Variants in TULP3 observed in about 807,000 individuals in gnomAD.
TULP3 encodes tubby-related protein 3.
A neutral mutation model predicts 50.7 loss-of-function variants in TULP3; 38 were observed. That is an observed-to-expected ratio of 0.75 (90% CI 0.58 to 0.98). The LOEUF (loss-of-function observed/expected upper bound fraction) is 0.98. Among genes scored for constraint, TULP3 ranks in the 50% least tolerant of loss-of-function variants. The pLI is 0.00. For synonymous variants in TULP3, 183 were observed against 196.6 expected (o/e 0.93, Z 0.58); for missense variants, 550 against 568.0 (o/e 0.97, Z 0.32).
intron 1 of TULP3, 94 bp downstream of exon 1, chr12:2,891,082 G>GCGGGACT: frequency 7.3e-7 from 1 of 1,375,222 alleles, no homozygotes; most frequent in Non-Finnish European, 9.6e-7. Flanking sequence ...CGGGGAGAGG[G>GCGGGACT]CGGGACTCGG....
chr12:2,939,323 T>G lies in TULP3; in HGVS notation c.1208T>G (p.Val403Gly), dbSNP rs772180667. 1 of 1,614,206 alleles carries G rather than the reference T, an allele frequency of 6.2e-7. No homozygotes were observed. The highest frequency in any genetic ancestry group is 1.7e-5 in the Admixed American group (1 of 60,018). The change falls in exon 11 of 11, where the codon GTC (valine) becomes GGC (glycine). Residue 403 changes from valine to glycine, a missense_variant. Physicochemically the swap from Val to Gly is moderately radical, Grantham distance 109. Transcript: ENST00000448120. This position sits in a 1 kb window ranked among gnomAD's most constrained non-coding sequence, Gnocchi z 4.0. Reference sequence around the variant, plus strand: ...TTTCTGTTTCTAGCTGATTATATAGTCATGCAGTTTGGACGTGTGGCAGAT... The same window carrying G: ...TTTCTGTTTCTAGCTGATTATATAGGCATGCAGTTTGGACGTGTGGCAGAT... ...IVHKNDPDYI[V>G]MQFGRVADDV... is the part of the protein sequence containing the mutation.
chr12:2,930,689 C>A (rs2098197473), intron 5 of TULP3, among the ~76,000 whole-genome samples: 1 of 152,142 alleles, frequency 6.6e-6, no homozygotes. Flanking sequence ...TCCCAAAGTG[C>A]TGGGATTACA....
intron 1 of TULP3, among the ~76,000 whole-genome samples, chr12:2,903,227 T>C (rs2098180224): frequency 6.6e-6 from 1 of 152,194 alleles, no homozygotes; most frequent in Non-Finnish European, 1.5e-5. Flanking sequence ...ATGTATATTT[T>C]CTTTTTTTCT....
At chr12:2,899,989 C>T (rs922487197) in intron 1 of TULP3, among the ~76,000 whole-genome samples, 4 of 151,430 alleles carry the variant, frequency 2.6e-5, no homozygotes, top group African/African-American at 7.3e-5. Context: ...TTGAGGCAGG[C>T]GCGTCACCTG....
rs767223834 is a variant in TULP3, at chr12:2,890,928, G to T, written c.-20G>T. 1.3e-6 allele frequency: 2 copies of T among 1,592,924 alleles called. No homozygotes were observed. Among genetic ancestry groups the T allele is most frequent in the Non-Finnish European group, 1.7e-6 (2 of 1,170,104 alleles). ...GCGGGGAAGAGTGTGTACGTGGTGG[G>T]GGCTTCCTCGGTGGCGGGCATGGAG... On this transcript the variant is annotated 5_prime_UTR_variant, in exon 1 of 11. Coordinates refer to ENST00000448120, the MANE Select transcript of TULP3 (RefSeq NM_003324.5).
At chr12:2,900,825 T>G (rs902113637) in intron 1 of TULP3, among the ~76,000 whole-genome samples, 1 of 151,524 alleles carries the variant, frequency 6.6e-6, no homozygotes, top group African/African-American at 2.4e-5. Context: ...TCCTCCCACC[T>G]CAGCCTCCCA....
intron 1 of TULP3, among the ~76,000 whole-genome samples, chr12:2,901,700 T>A (rs945751394): frequency 6.6e-6 from 1 of 152,066 alleles, no homozygotes; most frequent in Non-Finnish European, 1.5e-5. Context: ...TTAGTTAGGT[T>A]GTTTGTCTTA....
Position 2,931,058 on chromosome 12 carries a change from G to C in TULP3, c.514G>C (p.Ala172Pro). 1 of 1,614,088 alleles carries C rather than the reference G, an allele frequency of 6.2e-7. No individual in the cohort carries two copies. The highest frequency in any genetic ancestry group is 8.5e-7 in the Non-Finnish European group (1 of 1,180,028). Residue 172 changes from alanine (A) to proline (P), a missense_variant, in exon 6 of 11, where the codon GCT (alanine) becomes CCT (proline). Physicochemically the swap from Ala to Pro is conservative, Grantham distance 27. Coordinates refer to ENST00000448120, the MANE Select transcript of TULP3 (RefSeq NM_003324.5). ...TCAGGATACAGGCACTTCCGGTTCT[G>C]CTACTGCCGCCCAACCAGCTGATAA... ...NSTDTGTSGS[A>P]TAAQPADNLL...
chr12:2,919,893 G>A (rs1054893108), intron 2 of TULP3, among the ~76,000 whole-genome samples: 4 of 151,284 alleles, frequency 2.6e-5, no homozygotes, highest in African/African-American at 9.7e-5. Context: ...TCTCACCCTT[G>A]ATCCAAATTT....
At chr12:2,896,435 C>T (rs1412877261) in intron 1 of TULP3, among the ~76,000 whole-genome samples, 2 of 152,186 alleles carry the variant, frequency 1.3e-5, no homozygotes, top group African/African-American at 4.8e-5. Context: ...AAATTCCTGT[C>T]TCTGCTGACC....
At position 2,940,787 on chromosome 12, in the gene TULP3, G is replaced by A. The variant is rs2098204364; in HGVS notation, c.*1343G>A. 2.1e-6 allele frequency: 3 copies of A among 1,414,302 alleles called. No homozygotes were observed. Among genetic ancestry groups the A allele is most frequent in the African/African-American group, 2.9e-5 (2 of 70,154 alleles). The allele number at this position is 1,414,302 out of a possible 1,614,324, so 87.6% of individuals were successfully genotyped here. A position where few individuals can be genotyped will look rare whatever the true frequency, so the allele number is the denominator to read the frequency against. The stretch of plus-strand genomic sequence containing the variant: ...TGTCCCCCACCGACAAGTCCCACCT[G>A]CTGGGTGAGGACGAGACTGTTTCCA... On this transcript the variant is annotated 3_prime_UTR_variant, in exon 11 of 11. Coordinates refer to ENST00000448120, the MANE Select transcript of TULP3 (RefSeq NM_003324.5).
intron 1 of TULP3, among the ~76,000 whole-genome samples, chr12:2,903,283 C>T (rs2098180252): frequency 6.6e-6 from 1 of 151,638 alleles, no homozygotes; most frequent in Non-Finnish European, 1.5e-5. Flanking sequence ...AAAAATTTGG[C>T]CGGGCACGGT....
Position 2,890,960 on chromosome 12 carries a change from C to G in TULP3, c.13C>G (p.Arg5Gly). 1 of 1,595,208 alleles carries G rather than the reference C, an allele frequency of 6.3e-7. No homozygotes were observed. The highest frequency in any genetic ancestry group is 8.5e-7 in the Non-Finnish European group (1 of 1,171,246). Reference protein sequence around the residue: MEASRCRLSPSGDSV... With the variant: MEASGCRLSPSGDSV... ...CTCGGTGGCGGGCATGGAGGCTTCGCGCTGCCGGCTCAGTCCCAGCGGCGA... is the reference window on the plus strand; with the variant it reads ...CTCGGTGGCGGGCATGGAGGCTTCGGGCTGCCGGCTCAGTCCCAGCGGCGA... Residue 5 changes from arginine to glycine, a missense_variant, in exon 1 of 11, where the codon CGC (arginine) becomes GGC (glycine). Physicochemically the swap from Arg to Gly is moderately radical, Grantham distance 125 (BLOSUM62 -2). Transcript: ENST00000448120.
At chr12:2,894,302 G>A (rs374570103) in intron 1 of TULP3, among the ~76,000 whole-genome samples, 4 of 38,080 alleles carry the variant, frequency 1.1e-4, no homozygotes, top group East Asian at 1.0e-3. Flanking sequence ...GGGCGGGGCG[G>A]GGGGGGGGAA....
chr12:2,909,721 G>T (rs895184406), intron 2 of TULP3, 141 bp downstream of exon 2: 2 of 885,638 alleles, frequency 2.3e-6, no homozygotes, highest in Non-Finnish European at 3.5e-6. Context: ...GTGAAGCAGT[G>T]TCTGGAGTTA....
intron 10 of TULP3, 148 bp downstream of exon 10, chr12:2,938,433 GT>G (rs2098202809): frequency 2.1e-6 from 2 of 966,690 alleles, no homozygotes; most frequent in Non-Finnish European, 3.0e-6. Flanking sequence ...TGAAACTACA[GT>G]TTTAGAGAAA....
intron 1 of TULP3, among the ~76,000 whole-genome samples, chr12:2,896,220 G>C (rs564812469): frequency 8.5e-4 from 130 of 152,266 alleles, no homozygotes; most frequent in Non-Finnish European, 1.4e-3. Flanking sequence ...GATTACAGGC[G>C]TGAGCCACTG....
chr12:2,924,278 G>A (rs7309062), intron 4 of TULP3, among the ~76,000 whole-genome samples: 72,491 of 151,844 alleles, frequency 0.48, 17,780 homozygotes, highest in African/African-American at 0.6. Flanking sequence ...AGGGCGTGTG[G>A]TCATAGGGTA....
rs748798022 is a variant in TULP3, at chr12:2,930,289, A to T, written c.436A>T (p.Ile146Leu). The change falls in exon 5 of 11, where the codon ATA (isoleucine) becomes TTA (leucine). Residue 146 changes from isoleucine (I) to leucine (L), a missense_variant. Physicochemically the swap from Ile to Leu is conservative, Grantham distance 5 (BLOSUM62 2). Coordinates refer to ENST00000448120, the MANE Select transcript of TULP3 (RefSeq NM_003324.5). Reference sequence around the variant, plus strand: ...GAACTTCGATGAGGAGACTGATGGAATATCCCAGTCAGCATGTTTAGAAAG... The same window carrying T: ...GAACTTCGATGAGGAGACTGATGGATTATCCCAGTCAGCATGTTTAGAAAG... ...SVNFDEETDG[I>L]SQSACLERPN... 6.2e-7 allele frequency: 1 copy of T among 1,612,998 alleles called. No homozygotes were observed. The highest frequency in any genetic ancestry group is 8.5e-7 in the Non-Finnish European group (1 of 1,179,456).
Sources: allele counts gnomAD v4.1 joint callset (sites outside exome capture counted in the v4.1 genomes callset), GRCh38; gene constraint gnomAD v4.1.1; non-coding constraint Gnocchi (gnomAD v3.1); transcripts MANE v1.5; gene names NCBI Gene and HGNC (gene_info 2026-07-23, HGNC 2026-07-21).